Variants in KCNH8 observed in about 807,000 individuals in gnomAD.
The protein encoded by KCNH8 is voltage-gated delayed rectifier potassium channel KCNH8.
KCNH8 carries 70 observed loss-of-function variants against 103.6 expected under a neutral mutation model. The observed-to-expected ratio is 0.68, with a 90% CI of 0.56 to 0.82. The LOEUF is 0.82. Ranked by LOEUF, KCNH8 falls within the 40% of genes least tolerant of loss-of-function variation. The probability of loss-of-function intolerance (pLI) is 0.00; values close to 1 mark genes in which losing one functional copy is unlikely to be tolerated. For synonymous variants in KCNH8, 498 were observed against 489.4 expected, an observed-to-expected ratio of 1.02 and a Z score of -0.23; for missense variants, 1,217 against 1,329.9, an observed-to-expected ratio of 0.92 and a Z score of 1.32.
At chr3:19,482,536 A>G (rs547752426) in intron 11 of KCNH8, among the ~76,000 whole-genome samples, 2 of 152,328 alleles carry the variant, frequency 1.3e-5, no homozygotes, top group African/African-American at 4.8e-5. Context: ...GAAGCTTTTT[A>G]TCATTTGAAG....
At chr3:19,380,651 G>A (rs55774585) in intron 5 of KCNH8, among the ~76,000 whole-genome samples, 57,789 of 152,060 alleles carry the variant, frequency 0.38, 11,798 homozygotes, top group Middle Eastern at 0.55. Flanking sequence ...TTAATAAAAC[G>A]TAAACCCTAT....
At chr3:19,182,346 G>A (rs182666917) in intron 1 of KCNH8, among the ~76,000 whole-genome samples, 2 of 152,118 alleles carry the variant, frequency 1.3e-5, no homozygotes, top group African/African-American at 4.8e-5. Context: ...GGCTAACACG[G>A]TGAAACCCCG....
intron 1 of KCNH8, among the ~76,000 whole-genome samples, chr3:19,177,319 T>C (rs1327025085): frequency 6.6e-6 from 1 of 152,092 alleles, no homozygotes; most frequent in African/African-American, 2.4e-5. Flanking sequence ...AAAAGATTCA[T>C]GAGTACTGAT....
At chr3:19,261,424 T>C (rs2064434210) in intron 2 of KCNH8, among the ~76,000 whole-genome samples, 1 of 151,886 alleles carries the variant, frequency 6.6e-6, no homozygotes, top group Admixed American at 6.6e-5. Flanking sequence ...AGTCCTTTGC[T>C]TATTTTTTAT....
chr3:19,502,001 A>C (rs1234969489), intron 11 of KCNH8, among the ~76,000 whole-genome samples: 4 of 152,042 alleles, frequency 2.6e-5, no homozygotes, highest in Non-Finnish European at 4.4e-5. Context: ...TGCAGATGAC[A>C]TGATTGTATA....
chr3:19,330,485 A>G lies in KCNH8; in HGVS notation c.443-12102A>G, dbSNP rs138150317. Among the ~76,000 whole-genome samples the G allele has an allele frequency of 1.1e-3, 167 of 152,254 alleles. 1 individual carries two copies. The highest frequency in any genetic ancestry group is 3.2e-3 in the African/African-American group (131 of 41,562). On this transcript the variant is annotated intron_variant, in intron 3 of 15. Transcript: ENST00000328405. ...AAAAGACAATGAATTTCCAGCACCT[A>G]TTGTGAAACTGTTGTGGGAGTCATA...
chr3:19,391,264 C>A (rs1424789830), intron 6 of KCNH8, among the ~76,000 whole-genome samples: 1 of 152,016 alleles, frequency 6.6e-6, no homozygotes, highest in Non-Finnish European at 1.5e-5. Context: ...AAATCCCTTA[C>A]CCTCATGTAG....
chr3:19,518,511 T>C (rs942791058), intron 15 of KCNH8, among the ~76,000 whole-genome samples: 2 of 152,068 alleles, frequency 1.3e-5, no homozygotes, highest in South Asian at 4.1e-4. Context: ...TTCTTTCCTC[T>C]GACTTGTATT....
chr3:19,246,527 G>A (rs1316841043), intron 1 of KCNH8, among the ~76,000 whole-genome samples: 7 of 151,890 alleles, frequency 4.6e-5, no homozygotes, highest in South Asian at 2.1e-4. Flanking sequence ...CGCCTGACTC[G>A]GCCTCCCAAA....
chr3:19,209,131 A>C (rs2063744707), intron 1 of KCNH8, among the ~76,000 whole-genome samples: 1 of 152,040 alleles, frequency 6.6e-6, no homozygotes, highest in African/African-American at 2.4e-5. Context: ...ATAAATATAT[A>C]TGTATAGCCA....
Position 19,533,383 on chromosome 3 carries a change from C to T in KCNH8, c.2620-12C>T. 1 of 1,579,576 alleles carries T rather than the reference C, an allele frequency of 6.3e-7. No individual in the cohort carries two copies. The highest frequency in any genetic ancestry group is 8.7e-7 in the Non-Finnish European group (1 of 1,148,648). ...TCTAACTATTGTCTTTCACTTTGCT[C>T]TATCCACATAGGTAACAACATTGAC... On this transcript the variant is annotated splice_polypyrimidine_tract_variant and intron_variant, in intron 15 of 15. Transcript: ENST00000328405.
chr3:19,222,679 A>C (rs1288731018), intron 1 of KCNH8, among the ~76,000 whole-genome samples: 1 of 152,160 alleles, frequency 6.6e-6, no homozygotes, highest in East Asian at 1.9e-4. Flanking sequence ...GTTTTGATAA[A>C]AGTAATTCAA....
rs557165710 is a variant in KCNH8 at position 19,207,734 on chromosome 3, T to A, written c.77-45920T>A. 7.2e-5 allele frequency among the ~76,000 whole-genome samples: 11 copies of A among 152,160 alleles called. No individual in the cohort carries two copies. The East Asian group carries it at 1.9e-3, about 27-fold the overall frequency. ...CCAGTGACAAAATAAGTGCAATGTG[T>A]AATTGGACTCATTTAATTTATAAAT... On this transcript the variant is annotated intron_variant, in intron 1 of 15. Transcript: ENST00000328405.
intron 1 of KCNH8, among the ~76,000 whole-genome samples, chr3:19,197,766 T>A (rs2063616690): frequency 6.6e-6 from 1 of 152,138 alleles, no homozygotes; most frequent in Non-Finnish European, 1.5e-5. Flanking sequence ...CAGATATATT[T>A]GCTTCAAAGT....
intron 1 of KCNH8, among the ~76,000 whole-genome samples, chr3:19,184,223 C>T (rs1192574655): frequency 6.6e-6 from 1 of 151,772 alleles, no homozygotes; most frequent in African/African-American, 2.4e-5. Flanking sequence ...AAATACTAAG[C>T]CCTTATGAAA....
rs1276187746 is a variant in KCNH8 at position 19,533,863 on chromosome 3, C to G, written c.3088C>G (p.Leu1030Val). The G allele has an allele frequency of 2.5e-6, 4 of 1,614,206 alleles. No individual in the cohort carries two copies. The highest frequency in any genetic ancestry group is 2.2e-5 in the South Asian group (2 of 91,090). The stretch of plus-strand genomic sequence containing the variant: ...GCCTCTGCAGTCCATTTCAGCAACT[C>G]TCTCATCTTCTGTCTGCTCCTCTTC... ...LTPLQSISAT[L>V]SSSVCSSSET... Residue 1030 changes from leucine to valine, a missense_variant, in exon 16 of 16, where the codon CTC (leucine) becomes GTC (valine). Around this residue, in one of 3 missense-constraint regions of KCNH8, gnomAD observed 558 missense variants for 495.8 expected, o/e 1.13. Coordinates refer to ENST00000328405, the MANE Select transcript of KCNH8 (RefSeq NM_144633.3).
At position 19,159,768 on chromosome 3, in the gene KCNH8, G is replaced by GTATCTA. The variant is rs532743996; in HGVS notation, c.76+10983_76+10988dup. ...AACATTTGTATCTATATCTATATCTGTATCTATATCTATATATCATCTCCT... is the reference window on the plus strand; with the variant it reads ...AACATTTGTATCTATATCTATATCTGTATCTATATCTATATCTATATATCATCTCCT... On this transcript the variant is annotated intron_variant, in intron 1 of 15. Coordinates refer to ENST00000328405, the MANE Select transcript of KCNH8 (RefSeq NM_144633.3). 1.6e-4 allele frequency among the ~76,000 whole-genome samples: 25 copies of GTATCTA among 152,080 alleles called. No homozygotes were observed. The South Asian group carries it at 3.7e-3, about 23-fold the overall frequency.
chr3:19,393,744 G>C (rs1281504585), intron 6 of KCNH8, among the ~76,000 whole-genome samples: 2 of 152,002 alleles, frequency 1.3e-5, no homozygotes, highest in Non-Finnish European at 2.9e-5. Flanking sequence ...TGACACAGGA[G>C]AATGACAAAA....
intron 5 of KCNH8, among the ~76,000 whole-genome samples, chr3:19,374,655 A>T (rs1336399495): frequency 1.3e-5 from 2 of 151,100 alleles, no homozygotes; most frequent in South Asian, 2.1e-4. Flanking sequence ...TTATGATGTC[A>T]GCTGGTTCTT....
Sources: gnomAD v4.1 joint callset for allele counts (sites outside exome capture counted in the v4.1 genomes callset) on GRCh38, gnomAD v4.1.1 for gene constraint, gnomAD v4.1.1 regional missense constraint, MANE v1.5 for transcripts, NCBI Gene and HGNC (gene_info 2026-07-23, HGNC 2026-07-21) for gene names.